The following STK3 variants were observed in gnomAD, a reference collection of about 807,000 sequenced individuals.
STK3 encodes serine/threonine-protein kinase 3.
STK3 carries 41 observed loss-of-function variants against 58.0 expected under a neutral mutation model. The ratio of observed to expected loss-of-function variants is 0.71; its 90% CI spans 0.55 to 0.92. The LOEUF (loss-of-function observed/expected upper bound fraction) is 0.92, where lower values mean the gene tolerates loss of function less well. Ranked by LOEUF, STK3 falls within the 40% of genes least tolerant of loss-of-function variation. STK3 has a pLI of 0.00. For missense variants in STK3, 479 were observed against 602.7 expected (o/e 0.79, Z 2.15); for synonymous variants, 170 against 191.0 (o/e 0.89, Z 0.91).
intron 2 of STK3, among the ~76,000 whole-genome samples, chr8:98,771,736 T>A (rs1831328405): frequency 6.6e-6 from 1 of 152,058 alleles, no homozygotes; most frequent in African/African-American, 2.4e-5. Context: ...GGCTAATTTT[T>A]GTATTTTTAG....
chr8:98,721,076 G>C (rs1295505698), intron 4 of STK3: 1 of 984,414 alleles, frequency 1.0e-6, no homozygotes, highest in Admixed American at 6.2e-5. Context: ...ACACTCACCT[G>C]GCCAATAATT....
At chr8:98,349,479 T>G in the STK3 span, among the ~76,000 whole-genome samples, 1 of 152,200 alleles carries the variant, frequency 6.6e-6, no homozygotes, top group African/African-American at 2.4e-5. Context: ...GATCTACCAT[T>G]CTGGCTCTGG....
At chr8:98,348,428 TA>T in the STK3 span, among the ~76,000 whole-genome samples, 2 of 152,206 alleles carry the variant, frequency 1.3e-5, no homozygotes, top group African/African-American at 2.4e-5. Context: ...TGGTGTTTAC[TA>T]AAATTAAAGA....
chr8:98,623,685 G>A (rs1040907519), intron 6 of STK3, among the ~76,000 whole-genome samples: 2 of 152,196 alleles, frequency 1.3e-5, no homozygotes, highest in African/African-American at 4.8e-5. Flanking sequence ...TCAGGAGGCT[G>A]AGGTGGAAGG....
intron 3 of STK3, among the ~76,000 whole-genome samples, chr8:98,841,706 A>T (rs1835992998): frequency 6.7e-6 from 1 of 149,954 alleles, no homozygotes; most frequent in African/African-American, 2.4e-5. Flanking sequence ...AAAAAAATTT[A>T]AAAATGTAAA....
intron 1 of STK3, among the ~76,000 whole-genome samples, chr8:98,929,580 G>A (rs892053803): frequency 6.6e-5 from 10 of 152,176 alleles, no homozygotes; most frequent in Admixed American, 2.0e-4. Context: ...AGACCAGGAG[G>A]TGGAGGTTGC....
intron 6 of STK3, among the ~76,000 whole-genome samples, chr8:98,610,525 C>A (rs1047816941): frequency 6.6e-6 from 1 of 152,208 alleles, no homozygotes; most frequent in Non-Finnish European, 1.5e-5. Context: ...TAAAACAGTG[C>A]GGCACACACG....
At chr8:98,585,627 G>A (rs1246357422) in intron 7 of STK3, among the ~76,000 whole-genome samples, 282 of 150,310 alleles carry the variant, frequency 1.9e-3, no homozygotes, top group African/African-American at 6.6e-3. Flanking sequence ...TTCCAATTCT[G>A]TGAAGAAAGT....
intron 2 of STK3, among the ~76,000 whole-genome samples, chr8:98,377,756 C>T (rs1817689638): frequency 1.3e-5 from 2 of 152,096 alleles, no homozygotes; most frequent in African/African-American, 4.8e-5. Context: ...CAGTTCCAGC[C>T]TCTTGGTGGT....
chr8:98,694,742 G>C (rs990689373), intron 6 of STK3, among the ~76,000 whole-genome samples: 2 of 152,130 alleles, frequency 1.3e-5, no homozygotes, highest in African/African-American at 2.4e-5. Flanking sequence ...TCTTAATCCA[G>C]TCTATCATTG....
chr8:98,635,378 CTATGAGGAAGTATTTCTCCATTTTATA>C (rs1197980016), intron 6 of STK3, among the ~76,000 whole-genome samples: 1 of 152,088 alleles, frequency 6.6e-6, no homozygotes, highest in Non-Finnish European at 1.5e-5. Context: ...CACCAAAACC[CTATGAGGAAGTATTTCTCCATTTTATA>C]TATGAGAAAA....
intron 3 of STK3, among the ~76,000 whole-genome samples, 179 bp downstream of exon 3, chr8:98,767,064 T>A (rs1587559089): frequency 6.6e-6 from 1 of 152,100 alleles, no homozygotes; most frequent in Non-Finnish European, 1.5e-5. Flanking sequence ...GAGGTTGTGG[T>A]GAGCCGAGAT....
chr8:98,529,128 T>A (rs1333058193), intron 9 of STK3, among the ~76,000 whole-genome samples: 1 of 152,188 alleles, frequency 6.6e-6, no homozygotes, highest in African/African-American at 2.4e-5. Context: ...TAAGTAACAA[T>A]GTTAGTTGGG....
rs572834379 is a variant in STK3, at chr8:98,904,963, C to T, written c.-78-21129G>A. 119 of 721,744 alleles carry T rather than the reference C, an allele frequency of 1.6e-4. 1 individual carries two copies. The African/African-American group carries it at 1.7e-3, about 10-fold the overall frequency. The allele number at this position is 721,744 out of a possible 1,614,324, so 44.7% of individuals were successfully genotyped here. A position where few individuals can be genotyped will look rare whatever the true frequency, so the allele number is the denominator to read the frequency against. ...TTACATGCAGAAGCTGCTGCCGCTGCTGCTACTGCCTCGTAAGAGCAGACC... is the reference window on the plus strand; with the variant it reads ...TTACATGCAGAAGCTGCTGCCGCTGTTGCTACTGCCTCGTAAGAGCAGACC... On this transcript the variant is annotated intron_variant, in intron 1 of 1. Transcript: ENST00000519420.
upstream of STK3, chr8:98,825,695 C>A (rs1050903158): frequency 3.1e-5 from 33 of 1,053,748 alleles, no homozygotes; most frequent in African/African-American, 1.7e-4. Flanking sequence ...ATCTCCCTCC[C>A]GCTTAGGAGC....
chr8:98,435,840 G>C (rs190109408), intron 2 of STK3, among the ~76,000 whole-genome samples: 2 of 152,272 alleles, frequency 1.3e-5, no homozygotes, highest in Admixed American at 1.3e-4. Flanking sequence ...CATGAGAAGG[G>C]GCCCTTGGGG....
chr8:98,823,027 C>A (rs1835010650), intron 1 of STK3, among the ~76,000 whole-genome samples: 1 of 152,244 alleles, frequency 6.6e-6, no homozygotes, highest in African/African-American at 2.4e-5. Context: ...TTGAAAACCA[C>A]TGGACTAAAG....
At chr8:98,914,162 C>CA (rs1489201490) in intron 1 of STK3, among the ~76,000 whole-genome samples, 2 of 151,556 alleles carry the variant, frequency 1.3e-5, no homozygotes, top group Admixed American at 1.3e-4. Flanking sequence ...ATTAAAAAAA[C>CA]AAAAACCAGC....
chr8:98,408,323 C>T (rs1014444925), intron 3 of STK3, among the ~76,000 whole-genome samples: 1 of 152,222 alleles, frequency 6.6e-6, no homozygotes, highest in Admixed American at 6.5e-5. Flanking sequence ...TAATTATTTT[C>T]CACCACAACA....
Sources: allele counts gnomAD v4.1 joint callset (sites outside exome capture counted in the v4.1 genomes callset), GRCh38; gene constraint gnomAD v4.1.1; transcripts MANE v1.5; gene names NCBI Gene and HGNC (gene_info 2026-07-23, HGNC 2026-07-21).